The following PRKCI variants were observed in gnomAD, a reference collection of about 807,000 sequenced individuals.
PRKCI encodes the protein protein kinase C iota, also known as protein kinase C iota type.
A neutral mutation model predicts 84.0 loss-of-function variants in PRKCI; 43 were observed. The observed-to-expected ratio is 0.51, with a 90% CI of 0.40 to 0.66. PRKCI has a LOEUF of 0.66. Among genes scored for constraint, PRKCI ranks in the 30% least tolerant of loss-of-function variants. PRKCI has a pLI of 0.00. For synonymous variants in PRKCI, 216 were observed against 234.4 expected (o/e 0.92, Z 0.72); for missense variants, 459 against 745.6 (o/e 0.62, Z 4.48).
At chr3:170,265,620 CT>C (rs111545487) in intron 4 of PRKCI, among the ~76,000 whole-genome samples, 12,300 of 142,204 alleles carry the variant, frequency 0.086, 599 homozygotes, top group East Asian at 0.21. Flanking sequence ...CTTTCTTTTT[CT>C]TTTTTTTTTT....
chr3:170,280,485 T>A, intron 9 of PRKCI, 82 bp downstream of exon 9: 1 of 1,324,572 alleles, frequency 7.5e-7, no homozygotes, highest in East Asian at 2.6e-5. Context: ...TTCGCTCTTG[T>A]CACCCAGCCT....
rs1010484942 is a variant in PRKCI, at chr3:170,294,595, G to A, written c.1417+1087G>A. Among the ~76,000 whole-genome samples the A allele has an allele frequency of 6.6e-5, 10 of 152,142 alleles. No individual in the cohort carries two copies. In the South Asian group the frequency reaches 1.7e-3, roughly 25 times the overall value. ...GGTAGGAATGAAAACTGACACAACA[G>A]CTTTAAAGAATAATTTGGCAGTGTC... On this transcript the variant is annotated intron_variant, in intron 14 of 17. Coordinates refer to ENST00000295797, the MANE Select transcript of PRKCI (RefSeq NM_002740.6).
rs55683301 is a variant in PRKCI at position 170,281,882 on chromosome 3, A to G, written c.981A>G (p.Arg327=). Residue 327 remains arginine, a splice_region_variant and synonymous_variant, in exon 11 of 18, where the codon AGA becomes AGG. Transcript: ENST00000295797. ...GLHSCFQTES[R]LFFVIEYVNG... ...TCATGGGTTCTCTCCTGTGTTTTAG[A>G]TTGTTCTTTGTTATAGAGTATGTAA... 0.019 allele frequency: 30,930 copies of G among 1,587,912 alleles called. 430 individuals are homozygous for G. Among genetic ancestry groups the G allele is most frequent in the East Asian group, 0.078 (3,413 of 43,854 alleles).
intron 10 of PRKCI, 96 bp downstream of exon 10, chr3:170,281,359 T>C: frequency 5.4e-6 from 5 of 926,238 alleles, no homozygotes; most frequent in Non-Finnish European, 6.9e-6. Context: ...GAAGTTGATA[T>C]CATGGAGGAT....
At chr3:170,282,318 CTTA>C (rs1358298775) in intron 11 of PRKCI, among the ~76,000 whole-genome samples, 2 of 152,108 alleles carry the variant, frequency 1.3e-5, no homozygotes, top group African/African-American at 4.8e-5. Flanking sequence ...CTAATAAACA[CTTA>C]TTAGTCTTTT....
intron 2 of PRKCI, among the ~76,000 whole-genome samples, chr3:170,251,905 CA>C (rs748277484): frequency 0.02 from 2,513 of 125,212 alleles, 38 homozygotes; most frequent in East Asian, 0.099. Context: ...AAGACTGTCT[CA>C]AAAAAAAAAA....
intron 8 of PRKCI, among the ~76,000 whole-genome samples, chr3:170,276,769 A>C (rs1734125295): frequency 6.6e-6 from 1 of 152,216 alleles, no homozygotes; most frequent in South Asian, 2.1e-4. Context: ...ATTGCAACAA[A>C]GCCAAAAATT....
intron 2 of PRKCI, among the ~76,000 whole-genome samples, chr3:170,251,369 G>A (rs1733439084): frequency 6.6e-6 from 1 of 152,102 alleles, no homozygotes. Flanking sequence ...TTTTCCTAAT[G>A]TTGTATACAG....
intron 5 of PRKCI, among the ~76,000 whole-genome samples, 165 bp downstream of exon 5, chr3:170,268,165 T>G (rs1733911318): frequency 6.6e-6 from 1 of 152,200 alleles, no homozygotes; most frequent in African/African-American, 2.4e-5. Flanking sequence ...CTATAATTTT[T>G]AATAGCATCT....
intron 8 of PRKCI, 67 bp from the exon 9 acceptor site, chr3:170,280,159 GT>G: frequency 7.7e-7 from 1 of 1,296,070 alleles, no homozygotes. Context: ...GTACAACTAG[GT>G]GTTAGAAATA....
intron 2 of PRKCI, among the ~76,000 whole-genome samples, chr3:170,237,615 A>C (rs112614067): frequency 6.6e-6 from 1 of 152,186 alleles, no homozygotes; most frequent in African/African-American, 2.4e-5. Context: ...ATAGAATTTC[A>C]TTTTAAGGAA....
chr3:170,274,255 C>T (rs1261442800), intron 7 of PRKCI, among the ~76,000 whole-genome samples: 4 of 152,160 alleles, frequency 2.6e-5, no homozygotes, highest in Non-Finnish European at 5.9e-5. Context: ...CCTCAGCCTC[C>T]TGAGCATCTG....
chr3:170,235,133 A>C, intron 1 of PRKCI, 97 bp from the exon 2 acceptor site: 1 of 1,294,474 alleles, frequency 7.7e-7, no homozygotes, highest in Non-Finnish European at 1.1e-6. Context: ...GCACACACAA[A>C]ATTACTGAAG....
chr3:170,236,028 T>G (rs1244429610), intron 2 of PRKCI, among the ~76,000 whole-genome samples: 2 of 151,934 alleles, frequency 1.3e-5, no homozygotes, highest in African/African-American at 4.8e-5. Flanking sequence ...TCAAGTGATC[T>G]TCCCATCATG....
At position 170,260,078 on chromosome 3, in the gene PRKCI, A is replaced by C; in HGVS notation, c.313+20A>C. On this transcript the variant is annotated intron_variant, in intron 3 of 17. Coordinates refer to ENST00000295797, the MANE Select transcript of PRKCI (RefSeq NM_002740.6). ...TTCATGGTAAGAGAGTAGTCATTTC[A>C]TACTCGTCCAGACTGATAATTTCTT... The C allele has an allele frequency of 6.8e-7, 1 of 1,473,272 alleles. No individual in the cohort carries two copies. Among genetic ancestry groups the C allele is most frequent in the Non-Finnish European group, 9.4e-7 (1 of 1,058,550 alleles). The allele number at this position is 1,473,272 out of a possible 1,614,324, so 91.3% of individuals were successfully genotyped here.
intron 4 of PRKCI, 94 bp from the exon 5 acceptor site, chr3:170,267,817 TGCAG>T: frequency 1.3e-6 from 1 of 781,006 alleles, no homozygotes; most frequent in South Asian, 2.2e-5. Flanking sequence ...TTTTTTTTCT[TGCAG>T]TGAGTATCAT....
chr3:170,256,104 G>A (rs1272409628), intron 2 of PRKCI, among the ~76,000 whole-genome samples: 2 of 152,068 alleles, frequency 1.3e-5, no homozygotes, highest in Non-Finnish European at 2.9e-5. Context: ...GAGGATTTTT[G>A]CATCAATGTT....
rs770437087 is a variant in PRKCI at position 170,281,148 on chromosome 3, T to C, written c.883-18T>C. ...GTGATATCAGTTTGACATAGATTTC[T>C]TACATGTTTCAAAATAGGATATTGA... On this transcript the variant is annotated intron_variant, in intron 9 of 17. Coordinates refer to ENST00000295797, the MANE Select transcript of PRKCI (RefSeq NM_002740.6). 103 of 1,598,142 alleles carry C rather than the reference T, an allele frequency of 6.4e-5. No individual in the cohort carries two copies. The highest frequency in any genetic ancestry group is 8.5e-5 in the Non-Finnish European group (99 of 1,167,166).
intron 9 of PRKCI, 68 bp from the exon 10 acceptor site, chr3:170,281,098 G>T (rs930534788): frequency 1.5e-6 from 2 of 1,346,644 alleles, no homozygotes; most frequent in Non-Finnish European, 2.1e-6. Context: ...CCATTGAATT[G>T]CTCAGAGCAA....
Sources: allele counts gnomAD v4.1 joint callset (sites outside exome capture counted in the v4.1 genomes callset), GRCh38; gene constraint gnomAD v4.1.1; transcripts MANE v1.5; gene names NCBI Gene and HGNC (gene_info 2026-07-23, HGNC 2026-07-21).